GNG13: variants seen among roughly 807,000 people sequenced by gnomAD.
GNG13 encodes guanine nucleotide-binding protein G(I)/G(S)/G(O) subunit gamma-13.
A neutral mutation model predicts 8.2 loss-of-function variants in GNG13; 12 were observed. That is an observed-to-expected ratio of 1.47 (90% CI 0.94 to 2.38). The LOEUF (loss-of-function observed/expected upper bound fraction) is 2.38. Among genes scored for constraint, GNG13 ranks in the 30% most tolerant of loss-of-function variants. The pLI is 0.00. For missense variants in GNG13, 100 were observed against 85.2 expected (o/e 1.17, Z -0.68); for synonymous variants, 45 against 33.0 (o/e 1.37, Z -1.25).
At position 799,106 on chromosome 16, in the gene GNG13, C is replaced by G. The variant is rs1337735797; in HGVS notation, c.-29G>C. Reference sequence around the variant, plus strand: ...GTCAGGGGCTTCTGAAGCAGCCAGCCTGGGGCTGGAGGGCACAGGAGGAAG... The same window carrying G: ...GTCAGGGGCTTCTGAAGCAGCCAGCGTGGGGCTGGAGGGCACAGGAGGAAG... On this transcript the variant is annotated 5_prime_UTR_variant, in exon 2 of 3. Transcript: ENST00000248150. The G allele has an allele frequency of 7.1e-7, 1 of 1,401,736 alleles. No homozygotes were observed. Among genetic ancestry groups the G allele is most frequent in the Non-Finnish European group, 1.0e-6 (1 of 989,680 alleles). The allele number at this position is 1,401,736 out of a possible 1,614,324, so 86.8% of individuals were successfully genotyped here.
In GNG13 at chr16:798,632, G is replaced by C. The variant is rs368458346; in HGVS notation, c.*87C>G. 1.2e-6 allele frequency: 1 copy of C among 849,238 alleles called. No individual in the cohort carries two copies. The highest frequency in any genetic ancestry group is 2.0e-6 in the Non-Finnish European group (1 of 495,006). The allele number at this position is 849,238 out of a possible 1,614,324, so 52.6% of individuals were successfully genotyped here. A position where few individuals can be genotyped will look rare whatever the true frequency, so the allele number is the denominator to read the frequency against. On this transcript the variant is annotated 3_prime_UTR_variant, in exon 3 of 3. Transcript: ENST00000248150. ...GAGTGGGACTCACAGGATGGAGTGA[G>C]TGGGGCTGGGCACAGTCTTACAAGA...
rs1213682033 is a variant in GNG13, at chr16:800,666, C to T, written c.-35G>A. The T allele has an allele frequency of 6.6e-5, 10 of 152,260 alleles. No homozygotes were observed. The East Asian group carries it at 1.9e-3, about 29-fold the overall frequency. The allele number at this position is 152,260 out of a possible 1,614,324, so 9.4% of individuals were successfully genotyped here. On this transcript the variant is annotated splice_region_variant and 5_prime_UTR_variant, in exon 1 of 3. Transcript: ENST00000248150. ...CCGGGCGCCTGTTCATCGGACCTAC[C>T]TTGAAAAGGTGACAGCGGAGGGACA...
Position 799,017 on chromosome 16 carries a change from C to G in GNG13, c.61G>C (p.Ala21Pro), listed in dbSNP as rs766498875. 6 of 1,611,176 alleles carry G rather than the reference C, an allele frequency of 3.7e-6. No homozygotes were observed. The South Asian group carries it at 6.6e-5, about 18-fold the overall frequency. ...KEVESLKYQL[A>P]FQREMASKTI... ...TTGGACGCCATCTCCCGCTGGAAGG[C>G]CAGCTGGTACTTGAGGCTCTCCACC... The change falls in exon 2 of 3, where the codon GCC (alanine) becomes CCC (proline). Residue 21 changes from alanine (A) to proline (P), a missense_variant. By Grantham distance (27) the Ala-to-Pro change is conservative. Transcript: ENST00000248150.
intron 1 of GNG13, 47 bp from the exon 2 acceptor site, chr16:799,158 A>C: frequency 1.3e-6 from 1 of 796,416 alleles, no homozygotes; most frequent in Non-Finnish European, 2.2e-6. Context: ...ACCAGCCTGT[A>C]GTCCCCACCC....
In GNG13 at chr16:798,643, C is replaced by T. The variant is rs561990790; in HGVS notation, c.*76G>A. 1.9e-5 allele frequency: 17 copies of T among 893,324 alleles called. No individual in the cohort carries two copies. In the African/African-American group the frequency reaches 2.4e-4, roughly 13 times the overall value. The allele number at this position is 893,324 out of a possible 1,614,324, so 55.3% of individuals were successfully genotyped here. Reference sequence around the variant, plus strand: ...ACAGGATGGAGTGAGTGGGGCTGGGCACAGTCTTACAAGATGGTGGGAGTG... The same window carrying T: ...ACAGGATGGAGTGAGTGGGGCTGGGTACAGTCTTACAAGATGGTGGGAGTG... On this transcript the variant is annotated 3_prime_UTR_variant, in exon 3 of 3. Coordinates refer to ENST00000248150, the MANE Select transcript of GNG13 (RefSeq NM_016541.3).
In GNG13 at chr16:798,206, G is replaced by C. The variant is rs528362904; in HGVS notation, c.*513C>G. 7 of 652,358 alleles carry C rather than the reference G, an allele frequency of 1.1e-5. No individual in the cohort carries two copies. Among genetic ancestry groups the C allele is most frequent in the Non-Finnish European group, 1.9e-5 (7 of 373,422 alleles). 40.4% of individuals were successfully genotyped at this position (652,358 alleles called of 1,614,324 possible). A position where few individuals can be genotyped will look rare whatever the true frequency, so the allele number is the denominator to read the frequency against. On this transcript the variant is annotated 3_prime_UTR_variant, in exon 3 of 3. Transcript: ENST00000248150. ...AGTGGGGCCAGGCGTGGTCTCACAG[G>C]ATAGAGTGAGTGGGGCCGGGCGTGG...
Position 798,679 on chromosome 16 carries a change from T to C in GNG13, c.*40A>G. 1 of 1,181,172 alleles carries C rather than the reference T, an allele frequency of 8.5e-7. No homozygotes were observed. The allele number at this position is 1,181,172 out of a possible 1,614,324, so 73.2% of individuals were successfully genotyped here. A position where few individuals can be genotyped will look rare whatever the true frequency, so the allele number is the denominator to read the frequency against. On this transcript the variant is annotated 3_prime_UTR_variant, in exon 3 of 3. Coordinates refer to ENST00000248150, the MANE Select transcript of GNG13 (RefSeq NM_016541.3). Reference sequence around the variant, plus strand: ...AAGATGGTGGGAGTGGGGCCGGGCGTGGTCTCACAGGATGGTGTGAGAGGG... The same window carrying C: ...AAGATGGTGGGAGTGGGGCCGGGCGCGGTCTCACAGGATGGTGTGAGAGGG...
chr16:799,570 A>G (rs1316801488), intron 1 of GNG13, among the ~76,000 whole-genome samples: 1 of 152,132 alleles, frequency 6.6e-6, no homozygotes, highest in Non-Finnish European at 1.5e-5. Context: ...GTCCAGAGCC[A>G]GGACTCCTGG....
intron 1 of GNG13, among the ~76,000 whole-genome samples, chr16:800,240 C>T (rs1203198837): frequency 2.6e-5 from 4 of 152,188 alleles, no homozygotes; most frequent in Admixed American, 6.5e-5. Context: ...CCCCCATCCC[C>T]GGTGCAGGCC....
chr16:798,179 G>A lies in GNG13; in HGVS notation c.*540C>T. On this transcript the variant is annotated 3_prime_UTR_variant, in exon 3 of 3. Transcript: ENST00000248150. ...CAGGAGTGGGGCTCACAGGATGGTG[G>A]GAGTGGGGCCAGGCGTGGTCTCACA... is the stretch of plus-strand genomic sequence containing the variant. The A allele has an allele frequency of 4.2e-6, 3 of 708,004 alleles. No individual in the cohort carries two copies. Among genetic ancestry groups the A allele is most frequent in the Non-Finnish European group, 7.1e-6 (3 of 423,328 alleles). The allele number at this position is 708,004 out of a possible 1,614,324, so 43.9% of individuals were successfully genotyped here.
In GNG13 at chr16:798,228, G is replaced by A. The variant is rs539469370; in HGVS notation, c.*491C>T. On this transcript the variant is annotated 3_prime_UTR_variant, in exon 3 of 3. Coordinates refer to ENST00000248150, the MANE Select transcript of GNG13 (RefSeq NM_016541.3). ...CAGGATAGAGTGAGTGGGGCCGGGC[G>A]TGGTCTCACAGGATGGAGTGAATGG... 109 of 610,630 alleles carry A rather than the reference G, an allele frequency of 1.8e-4. 1 individual carries two copies. The highest frequency in any genetic ancestry group is 1.7e-3 in the African/African-American group (83 of 49,982). 37.8% of individuals were successfully genotyped at this position (610,630 alleles called of 1,614,324 possible).
At position 798,818 on chromosome 16, in the gene GNG13, C is replaced by T. The variant is rs760462519; in HGVS notation, c.105G>A (p.Leu35=). The T allele has an allele frequency of 4.6e-5, 74 of 1,608,694 alleles. 4 individuals are homozygous for T. In the South Asian group the frequency reaches 7.8e-4, roughly 17 times the overall value. The change falls in exon 3 of 3, where the codon CTG becomes CTA. Residue 35 remains leucine (L), a synonymous_variant. Transcript: ENST00000248150. ...TGGGGATCCCGTCCTCGATCCACTT[C>T]AGCAGCCTGCGGGTGGGCGGGTGGC... ...EMASKTIPEL[L]KWIEDGIPKD...
chr16:799,659 C>A lies in GNG13; in HGVS notation c.-34-548G>T, dbSNP rs79847278. ...GATCTTGGGGGCTCAGGCTATACTA[C>A]CCGAGTCTGGGATATGGGCTGTGGG... On this transcript the variant is annotated intron_variant, in intron 1 of 2. Transcript: ENST00000248150. Among the ~76,000 whole-genome samples, 232 of 152,284 alleles carry A rather than the reference C, an allele frequency of 1.5e-3. 1 individual carries two copies. The highest frequency in any genetic ancestry group is 5.2e-3 in the African/African-American group (218 of 41,554).
In GNG13 at chr16:799,094, G is replaced by A. The variant is rs2042425272; in HGVS notation, c.-17C>T. The A allele has an allele frequency of 2.0e-6, 3 of 1,489,584 alleles. No homozygotes were observed. The highest frequency in any genetic ancestry group is 1.4e-5 in the African/African-American group (1 of 72,514). The allele number at this position is 1,489,584 out of a possible 1,614,324, so 92.3% of individuals were successfully genotyped here. A position where few individuals can be genotyped will look rare whatever the true frequency, so the allele number is the denominator to read the frequency against. Reference sequence around the variant, plus strand: ...CTCCTCCATGGGGTCAGGGGCTTCTGAAGCAGCCAGCCTGGGGCTGGAGGG... The same window carrying A: ...CTCCTCCATGGGGTCAGGGGCTTCTAAAGCAGCCAGCCTGGGGCTGGAGGG... On this transcript the variant is annotated 5_prime_UTR_variant, in exon 2 of 3. Transcript: ENST00000248150.
In GNG13 at chr16:798,865, C is replaced by T. The variant is rs778882532; in HGVS notation, c.99-41G>A. On this transcript the variant is annotated intron_variant, in intron 2 of 2. Transcript: ENST00000248150. ...TGGCAGGTGAGTGGTGGCACCTGAC[C>T]CCCGAGGGCCTCCTGCTGCACCTGC... 6 of 1,419,094 alleles carry T rather than the reference C, an allele frequency of 4.2e-6. No homozygotes were observed. In the African/African-American group the frequency reaches 8.4e-5, roughly 20 times the overall value. 87.9% of individuals were successfully genotyped at this position (1,419,094 alleles called of 1,614,324 possible).
At position 798,767 on chromosome 16, in the gene GNG13, C is replaced by T; in HGVS notation, c.156G>A (p.Leu52=). 2.5e-6 allele frequency: 4 copies of T among 1,613,378 alleles called. No homozygotes were observed. The highest frequency in any genetic ancestry group is 3.4e-6 in the Non-Finnish European group (4 of 1,179,664). The change falls in exon 3 of 3, where the codon CTG becomes CTA. Residue 52 remains leucine, a synonymous_variant. Transcript: ENST00000248150. ...TTTCCACCCATGGGTTGTTCTTCAT[C>T]AGGTCGGGGTTCAGGAAGGGGTCCT... ...IPKDPFLNPD[L]MKNNPWVEKG...
chr16:799,574 C>T lies in GNG13; in HGVS notation c.-34-463G>A, dbSNP rs1273362647. ...GGCAGAGCCCAGTCCAGAGCCAGGA[C>T]TCCTGGACAGGAATGTTCTGCTGCA... is the stretch of plus-strand genomic sequence containing the variant. On this transcript the variant is annotated intron_variant, in intron 1 of 2. Transcript: ENST00000248150. Among the ~76,000 whole-genome samples, 3 of 152,190 alleles carry T rather than the reference C, an allele frequency of 2.0e-5. No homozygotes were observed. The East Asian group carries it at 5.8e-4, about 29-fold the overall frequency.
intron 1 of GNG13, among the ~76,000 whole-genome samples, 165 bp downstream of exon 1, chr16:800,501 C>T (rs529960222): frequency 6.6e-6 from 1 of 152,338 alleles, no homozygotes; most frequent in Non-Finnish European, 1.5e-5. Context: ...CCGCGAGAGC[C>T]GCCTCCCTGC....
chr16:799,138 G>T, intron 1 of GNG13, 27 bp from the exon 2 acceptor site: 1 of 972,016 alleles, frequency 1.0e-6, no homozygotes, highest in Non-Finnish European at 1.6e-6. Context: ...GAAGCCACAG[G>T]GCCGAGGCCA....
Sources: gnomAD v4.1 joint callset for allele counts (sites outside exome capture counted in the v4.1 genomes callset) on GRCh38, gnomAD v4.1.1 for gene constraint, MANE v1.5 for transcripts, NCBI Gene and HGNC (gene_info 2026-07-23, HGNC 2026-07-21) for gene names.